The following TLK1 variants were observed in gnomAD, a reference collection of about 807,000 sequenced individuals.
The protein encoded by TLK1 is serine/threonine-protein kinase tousled-like 1.
Under a neutral mutation model 105.3 loss-of-function variants are expected in TLK1, and 24 were observed. The observed-to-expected ratio is 0.23, with a 90% confidence interval of 0.17 to 0.32. TLK1 has a LOEUF of 0.32. Ranked by LOEUF, TLK1 falls within the 10% of genes least tolerant of loss-of-function variation. The pLI is 1.00. For missense variants in TLK1, 558 were observed against 910.5 expected (o/e 0.61, Z 4.98); for synonymous variants, 321 against 310.4 (o/e 1.03, Z -0.36).
At chr2:171,193,305 C>A (rs1220339546) in intron 1 of TLK1, among the ~76,000 whole-genome samples, 1 of 152,126 alleles carries the variant, frequency 6.6e-6, no homozygotes, top group East Asian at 1.9e-4. Context: ...ACTTCATAAA[C>A]CTCACCAAAG....
At chr2:171,056,410 C>T in intron 6 of TLK1, 61 bp downstream of exon 6, 1 of 1,364,140 alleles carries the variant, frequency 7.3e-7, no homozygotes, top group Non-Finnish European at 1.0e-6. Flanking sequence ...AATTATAAAA[C>T]TTATTCAGTG....
chr2:171,189,236 G>A (rs1025950377), intron 1 of TLK1, among the ~76,000 whole-genome samples: 1 of 148,006 alleles, frequency 6.8e-6, no homozygotes, highest in Non-Finnish European at 1.5e-5. Flanking sequence ...GCACAATCTC[G>A]GCTCACTGCA....
At chr2:171,206,123 C>T (rs902338781) in intron 1 of TLK1, among the ~76,000 whole-genome samples, 6 of 152,014 alleles carry the variant, frequency 3.9e-5, no homozygotes, top group Non-Finnish European at 7.4e-5. Flanking sequence ...TGGCCAAATC[C>T]CTCACAGAAA....
intron 1 of TLK1, among the ~76,000 whole-genome samples, chr2:171,177,480 C>T (rs781776623): frequency 2.0e-5 from 3 of 151,412 alleles, no homozygotes; most frequent in Non-Finnish European, 2.9e-5. Context: ...AGTACTGCTA[C>T]CTCAAGACAG....
In TLK1 at chr2:171,049,797, T is replaced by C; in HGVS notation, c.980+17A>G. 1.9e-6 allele frequency: 3 copies of C among 1,612,628 alleles called. No homozygotes were observed. Among genetic ancestry groups the C allele is most frequent in the African/African-American group, 2.7e-5 (2 of 74,926 alleles). ...CAAACGAATACTAAAAACTTTTAAA[T>C]GTTAAGAATGACTAACTTCACAAGA... On this transcript the variant is annotated intron_variant, in intron 10 of 20. Transcript: ENST00000431350.
At chr2:171,000,488 T>C (rs1684310929) in intron 18 of TLK1, among the ~76,000 whole-genome samples, 1 of 152,028 alleles carries the variant, frequency 6.6e-6, no homozygotes. Flanking sequence ...TGCTGTATTA[T>C]ATACTAAATT....
chr2:171,142,644 CAG>C lies in TLK1; in HGVS notation c.139+17644_139+17645del, dbSNP rs569401846. 1.8e-3 allele frequency among the ~76,000 whole-genome samples: 272 copies of C among 152,238 alleles called. 3 individuals are homozygous for C. The highest frequency in any genetic ancestry group is 6.3e-3 in the African/African-American group (263 of 41,552). ...ATAAAACAAAAACTGACAAATTAAA[CAG>C]AGAGACAAATGTTATAATCATTTGG... On this transcript the variant is annotated intron_variant, in intron 1 of 20. Coordinates refer to ENST00000431350, the MANE Select transcript of TLK1 (RefSeq NM_012290.5).
intron 1 of TLK1, among the ~76,000 whole-genome samples, chr2:171,206,798 G>C (rs1358072532): frequency 1.3e-5 from 2 of 152,184 alleles, no homozygotes; most frequent in Non-Finnish European, 2.9e-5. Flanking sequence ...CATATGAAAA[G>C]ATGTTCAACA....
intron 1 of TLK1, among the ~76,000 whole-genome samples, chr2:171,211,549 T>A (rs576394506): frequency 2.8e-5 from 4 of 140,434 alleles, no homozygotes; most frequent in African/African-American, 1.1e-4. Context: ...CTGAGTTAAA[T>A]GGATGCTTTT....
chr2:171,006,592 C>A lies in TLK1; in HGVS notation c.1650G>T (p.Leu550=). ...YCEGNDLDFY[L]KQHKLMSEKE... ...TCTCTGACATTAACTTGTGTTGCTT[C>A]AGATAGAAATCCAAGTCATTGCCTT... The change falls in exon 17 of 21, where the codon CTG becomes CTT. Residue 550 remains leucine, a synonymous_variant. Coordinates refer to ENST00000431350, the MANE Select transcript of TLK1 (RefSeq NM_012290.5). 3 of 1,612,956 alleles carry A rather than the reference C, an allele frequency of 1.9e-6. No homozygotes were observed. Among genetic ancestry groups the A allele is most frequent in the Non-Finnish European group, 2.5e-6 (3 of 1,179,708 alleles).
chr2:171,110,806 A>G (rs903483674), intron 2 of TLK1, among the ~76,000 whole-genome samples: 5 of 152,228 alleles, frequency 3.3e-5, no homozygotes, highest in African/African-American at 1.2e-4. Flanking sequence ...ACAATTATAT[A>G]CATCTGTCAA....
chr2:171,037,672 T>G (rs1327520820), intron 11 of TLK1, among the ~76,000 whole-genome samples: 1 of 152,206 alleles, frequency 6.6e-6, no homozygotes, highest in African/African-American at 2.4e-5. Context: ...TATATTTTTC[T>G]GATCTATAAC....
At chr2:171,191,403 C>CCA (rs1693150288) in intron 1 of TLK1, among the ~76,000 whole-genome samples, 1 of 151,922 alleles carries the variant, frequency 6.6e-6, no homozygotes, top group African/African-American at 2.4e-5. Context: ...ACCCACCACC[C>CCA]CCCCCTCTAA....
chr2:171,049,375 T>C (rs1370295819), intron 10 of TLK1, among the ~76,000 whole-genome samples: 4 of 152,200 alleles, frequency 2.6e-5, no homozygotes, highest in African/African-American at 9.7e-5. Flanking sequence ...TTATTATATC[T>C]GAGGCAAAAG....
chr2:171,152,801 T>C (rs1692095454), intron 1 of TLK1, among the ~76,000 whole-genome samples: 1 of 152,174 alleles, frequency 6.6e-6, no homozygotes, highest in Admixed American at 6.5e-5. Flanking sequence ...AGTGGGTTTA[T>C]GAGGCCAAAA....
chr2:171,086,678 G>T (rs1215217072), intron 2 of TLK1, among the ~76,000 whole-genome samples: 1 of 151,580 alleles, frequency 6.6e-6, no homozygotes, highest in African/African-American at 2.4e-5. Context: ...GGAGAAGAAG[G>T]GAATAGATCT....
intron 1 of TLK1, among the ~76,000 whole-genome samples, chr2:171,139,565 G>A (rs1691481387): frequency 6.6e-6 from 1 of 152,130 alleles, no homozygotes. Context: ...CTGCACTCCA[G>A]CCTGGGCAAC....
intron 16 of TLK1, 51 bp downstream of exon 16, chr2:171,006,749 G>A (rs769782182): frequency 1.3e-6 from 2 of 1,592,940 alleles, no homozygotes; most frequent in East Asian, 2.2e-5. Flanking sequence ...GATGGGGAAA[G>A]AGAAAGCAAG....
At chr2:170,999,194 CAAAT>C (rs371738847) in intron 18 of TLK1, among the ~76,000 whole-genome samples, 179 of 152,270 alleles carry the variant, frequency 1.2e-3, no homozygotes, top group African/African-American at 4.0e-3. Context: ...ATTATCAAAA[CAAAT>C]AATGCTGCTC....
Sources: allele counts gnomAD v4.1 joint callset (sites outside exome capture counted in the v4.1 genomes callset), GRCh38; gene constraint gnomAD v4.1.1; transcripts MANE v1.5; gene names NCBI Gene and HGNC (gene_info 2026-07-23, HGNC 2026-07-21).